METTL14: variants seen among roughly 807,000 people sequenced by gnomAD.
METTL14 encodes the protein methyltransferase 14, N6-adenosine-methyltransferase non-catalytic subunit, also known as N(6)-adenosine-methyltransferase non-catalytic subunit METTL14.
Under a neutral mutation model 62.4 loss-of-function variants are expected in METTL14, and 32 were observed. The ratio of observed to expected loss-of-function variants is 0.51; its 90% CI spans 0.39 to 0.69. The LOEUF (loss-of-function observed/expected upper bound fraction) is 0.69, where lower values mean the gene tolerates loss of function less well. Among genes scored for constraint, METTL14 ranks in the 30% least tolerant of loss-of-function variants. The pLI, the probability that METTL14 is intolerant of heterozygous loss-of-function variation, is 0.00. For synonymous variants in METTL14, 150 were observed against 180.0 expected (o/e 0.83, Z 1.34); for missense variants, 340 against 551.9 (o/e 0.62, Z 3.85).
At chr4:118,692,275 A>G (rs1724273381) in intron 5 of METTL14, among the ~76,000 whole-genome samples, 1 of 133,596 alleles carries the variant, frequency 7.5e-6, no homozygotes, top group Non-Finnish European at 1.5e-5. Flanking sequence ...CTCAGGCTGG[A>G]GTGCAGTGGG....
At chr4:118,696,117 C>CAAAAAAAAAAAAAAAAAAAAAAAAAAA (rs70941201) in intron 6 of METTL14, among the ~76,000 whole-genome samples, 2 of 33,910 alleles carry the variant, frequency 5.9e-5, no homozygotes, top group Non-Finnish European at 9.3e-5. Flanking sequence ...GACTCTGTCT[C>CAAAAAAAAAAAAAAAAAAAAAAAAAAA]AAAAAAAAAA....
rs1724923498 is a variant in METTL14, at chr4:118,711,619, A to G, written c.*1317A>G. ...CATCCACCAAAGACTCAGTTTGAAG[A>G]TAAGGAATGAGTGATAGAAGAAATA... On this transcript the variant is annotated 3_prime_UTR_variant, in exon 11 of 11. Transcript: ENST00000388822. 6.6e-6 allele frequency: 1 copy of G among 152,198 alleles called. No individual in the cohort carries two copies. Among genetic ancestry groups the G allele is most frequent in the African/African-American group, 2.4e-5 (1 of 41,442 alleles). The allele number at this position is 152,198 out of a possible 1,614,324, so 9.4% of individuals were successfully genotyped here.
rs1724961949 is a variant in METTL14, at chr4:118,712,827, C to T, written c.*2525C>T. The T allele has an allele frequency of 6.6e-6, 1 of 152,132 alleles. No homozygotes were observed. Among genetic ancestry groups the T allele is most frequent in the Admixed American group, 6.5e-5 (1 of 15,280 alleles). The allele number at this position is 152,132 out of a possible 1,614,324, so 9.4% of individuals were successfully genotyped here. On this transcript the variant is annotated 3_prime_UTR_variant, in exon 11 of 11. Coordinates refer to ENST00000388822, the MANE Select transcript of METTL14 (RefSeq NM_020961.4). ...CAGTGAGAACCATTTTCCCACTGAC[C>T]TTCCTCCTTTCAGAGGATGGGGATT...
intron 6 of METTL14, among the ~76,000 whole-genome samples, chr4:118,694,866 A>G (rs1324445984): frequency 1.3e-5 from 2 of 151,790 alleles, no homozygotes; most frequent in East Asian, 1.9e-4. Context: ...TAGTGGCGCA[A>G]TCTTGGCTCA....
In METTL14 at chr4:118,712,960, G is replaced by A. The variant is rs543377956; in HGVS notation, c.*2658G>A. The A allele has an allele frequency of 6.6e-6, 1 of 152,176 alleles. No homozygotes were observed. Among genetic ancestry groups the A allele is most frequent in the African/African-American group, 2.4e-5 (1 of 41,416 alleles). The allele number at this position is 152,176 out of a possible 1,614,324, so 9.4% of individuals were successfully genotyped here. A position where few individuals can be genotyped will look rare whatever the true frequency, so the allele number is the denominator to read the frequency against. ...ATGTCAGGAGAACAGATTTTATGGTGTGGAATACCATACCTAAACACAAAT... is the reference window on the plus strand; with the variant it reads ...ATGTCAGGAGAACAGATTTTATGGTATGGAATACCATACCTAAACACAAAT... On this transcript the variant is annotated 3_prime_UTR_variant, in exon 11 of 11. Coordinates refer to ENST00000388822, the MANE Select transcript of METTL14 (RefSeq NM_020961.4).
Position 118,691,427 on chromosome 4 carries a change from A to T in METTL14, c.244-105A>T. On this transcript the variant is annotated intron_variant, in intron 3 of 10. Transcript: ENST00000388822. The stretch of plus-strand genomic sequence containing the variant: ...TTTGATTTTAATGCTAATTTAAAAC[A>T]TTTATTAAATCTTAAGGAAATAAAA... The T allele has an allele frequency of 4.9e-6, 3 of 611,874 alleles. No individual in the cohort carries two copies. In the South Asian group the frequency reaches 8.2e-5, roughly 17 times the overall value. 37.9% of individuals were successfully genotyped at this position (611,874 alleles called of 1,614,324 possible). A position where few individuals can be genotyped will look rare whatever the true frequency, so the allele number is the denominator to read the frequency against.
In METTL14 at chr4:118,714,315, G is replaced by A. The variant is rs1268855579; in HGVS notation, c.*4013G>A. The A allele has an allele frequency of 1.3e-5, 2 of 152,184 alleles. No homozygotes were observed. The highest frequency in any genetic ancestry group is 2.9e-5 in the Non-Finnish European group (2 of 68,036). The allele number at this position is 152,184 out of a possible 1,614,324, so 9.4% of individuals were successfully genotyped here. On this transcript the variant is annotated 3_prime_UTR_variant, in exon 11 of 11. Coordinates refer to ENST00000388822, the MANE Select transcript of METTL14 (RefSeq NM_020961.4). ...AAAGCAGAGCAGAGCAGCATAGAGTGCGTTAGTAAATGGCCACTGACTCTT... is the reference window on the plus strand; with the variant it reads ...AAAGCAGAGCAGAGCAGCATAGAGTACGTTAGTAAATGGCCACTGACTCTT...
Position 118,713,151 on chromosome 4 carries a change from A to G in METTL14, c.*2849A>G, listed in dbSNP as rs1177447707. 2 of 152,168 alleles carry G rather than the reference A, an allele frequency of 1.3e-5. No homozygotes were observed. The allele number at this position is 152,168 out of a possible 1,614,324, so 9.4% of individuals were successfully genotyped here. A position where few individuals can be genotyped will look rare whatever the true frequency, so the allele number is the denominator to read the frequency against. On this transcript the variant is annotated 3_prime_UTR_variant, in exon 11 of 11. Transcript: ENST00000388822. ...AGATCCAGAGTTGAGAGGGATCACT[A>G]CTGCAGCAGTTCTGCTCTGTTACTC...
In METTL14 at chr4:118,713,774, T is replaced by C. The variant is rs550742499; in HGVS notation, c.*3472T>C. On this transcript the variant is annotated 3_prime_UTR_variant, in exon 11 of 11. Coordinates refer to ENST00000388822, the MANE Select transcript of METTL14 (RefSeq NM_020961.4). ...CATAAATCTAGGACTTCTCAAAAGA[T>C]TAGAACATTTATCCAGTAAACTGAC... 1.3e-5 allele frequency: 2 copies of C among 152,338 alleles called. No individual in the cohort carries two copies. The highest frequency in any genetic ancestry group is 4.8e-5 in the African/African-American group (2 of 41,572). The allele number at this position is 152,338 out of a possible 1,614,324, so 9.4% of individuals were successfully genotyped here.
chr4:118,695,115 C>G (rs1724368163), intron 6 of METTL14, among the ~76,000 whole-genome samples: 1 of 152,032 alleles, frequency 6.6e-6, no homozygotes, highest in Non-Finnish European at 1.5e-5. Context: ...CAGGCATGAG[C>G]CAGCGTACTG....
chr4:118,705,826 G>A lies in METTL14; in HGVS notation c.1066+5G>A, dbSNP rs952731671. On this transcript the variant is annotated splice_donor_5th_base_variant and intron_variant, in intron 10 of 10. Transcript: ENST00000388822. ...GAGATAGTACAATTCGACCAGGTAG[G>A]ACCTCAGTTAACAACAACTTTTATG... The A allele has an allele frequency of 1.2e-6, 2 of 1,606,480 alleles. No individual in the cohort carries two copies. Among genetic ancestry groups the A allele is most frequent in the African/African-American group, 1.3e-5 (1 of 74,608 alleles).
chr4:118,709,450 A>G (rs567110479), intron 10 of METTL14, among the ~76,000 whole-genome samples: 198 of 151,920 alleles, frequency 1.3e-3, no homozygotes, highest in African/African-American at 4.5e-3. Flanking sequence ...TCTGTTACAC[A>G]TGTGTTATAT....
In METTL14 at chr4:118,710,357, A is replaced by C; in HGVS notation, c.*55A>C. ...CCTCTAACCTTCTTTATTGTAATTA[A>C]ATTTCAAGTGGGAGACTTAACTTTA... is the stretch of plus-strand genomic sequence containing the variant. On this transcript the variant is annotated 3_prime_UTR_variant, in exon 11 of 11. Coordinates refer to ENST00000388822, the MANE Select transcript of METTL14 (RefSeq NM_020961.4). 6.7e-7 allele frequency: 1 copy of C among 1,485,720 alleles called. No individual in the cohort carries two copies. The highest frequency in any genetic ancestry group is 2.3e-5 in the East Asian group (1 of 43,638). 92.0% of individuals were successfully genotyped at this position (1,485,720 alleles called of 1,614,324 possible).
intron 2 of METTL14, among the ~76,000 whole-genome samples, chr4:118,688,832 C>T (rs913626777): frequency 5.9e-5 from 9 of 151,992 alleles, no homozygotes; most frequent in Admixed American, 5.2e-4. Context: ...CGCCACCACC[C>T]CCAGCTAATT....
At chr4:118,698,040 G>A (rs116566508) in intron 7 of METTL14, among the ~76,000 whole-genome samples, 6,041 of 152,198 alleles carry the variant, frequency 0.04, 177 homozygotes, top group Non-Finnish European at 0.062. Context: ...ACTATCTTGA[G>A]GTGATGTGTT....
At chr4:118,709,866 G>A in intron 10 of METTL14, 132 bp from the exon 11 acceptor site, 2 of 850,370 alleles carry the variant, frequency 2.4e-6, no homozygotes, top group Non-Finnish European at 3.6e-6. Context: ...GTGCCATTCT[G>A]TAAAAGAGAT....
intron 7 of METTL14, 121 bp from the exon 8 acceptor site, chr4:118,700,429 A>G (rs975920191): frequency 1.4e-6 from 1 of 698,286 alleles, no homozygotes; most frequent in African/African-American, 1.8e-5. Context: ...TTAGTTCCTA[A>G]TGGAAACTAA....
At chr4:118,688,092 G>T in intron 2 of METTL14, 81 bp downstream of exon 2, 1 of 1,118,884 alleles carries the variant, frequency 8.9e-7, no homozygotes, top group Non-Finnish European at 1.3e-6. Context: ...CTGGAGTACA[G>T]TAGCATGATT....
intron 9 of METTL14, 84 bp downstream of exon 9, chr4:118,704,135 C>T: frequency 1.3e-6 from 1 of 766,880 alleles, no homozygotes; most frequent in Non-Finnish European, 2.1e-6. Context: ...GTTTAATTAA[C>T]TTCAGTGAAA....
Sources: allele counts gnomAD v4.1 joint callset (sites outside exome capture counted in the v4.1 genomes callset), GRCh38; gene constraint gnomAD v4.1.1; transcripts MANE v1.5; gene names NCBI Gene and HGNC (gene_info 2026-07-23, HGNC 2026-07-21).